Variants in ARB2A observed in about 807,000 individuals in gnomAD.
ARB2A encodes the protein cotranscriptional regulator ARB2A.
the ARB2A span, among the ~76,000 whole-genome samples, chr5:93,636,995 C>A: frequency 6.6e-6 from 1 of 152,158 alleles, no homozygotes; most frequent in African/African-American, 2.4e-5. Flanking sequence ...GTGATACTGA[C>A]AATGTCATTT....
the ARB2A span, among the ~76,000 whole-genome samples, chr5:93,986,017 G>A: frequency 6.6e-6 from 1 of 150,706 alleles, no homozygotes; most frequent in East Asian, 2.0e-4. Flanking sequence ...GGGATGTGGG[G>A]AGCGCCTCTG....
chr5:93,978,119 T>C, the ARB2A span, among the ~76,000 whole-genome samples: 1 of 152,082 alleles, frequency 6.6e-6, no homozygotes, highest in African/African-American at 2.4e-5. Flanking sequence ...AAATAAAAGA[T>C]GTTGGTGAGG....
chr5:94,021,596 T>C, the ARB2A span, among the ~76,000 whole-genome samples: 1 of 151,746 alleles, frequency 6.6e-6, no homozygotes, highest in South Asian at 2.1e-4. Context: ...GACTCAGAGG[T>C]GGGAGTGAAC....
the ARB2A span, among the ~76,000 whole-genome samples, chr5:93,714,330 C>T: frequency 6.6e-6 from 1 of 152,156 alleles, no homozygotes; most frequent in Non-Finnish European, 1.5e-5. Context: ...TATTTATTAA[C>T]AAGGTCAGCT....
the ARB2A span, among the ~76,000 whole-genome samples, chr5:94,101,524 GAT>G: frequency 1.3e-5 from 2 of 152,122 alleles, no homozygotes; most frequent in African/African-American, 4.8e-5. Context: ...CAACAGTAAA[GAT>G]ATGGAATCAA....
chr5:93,740,327 G>A, the ARB2A span: 1 of 481,576 alleles, frequency 2.1e-6, no homozygotes, highest in Non-Finnish European at 3.7e-6. Flanking sequence ...TCTATATACT[G>A]TAATGTACCT....
At chr5:93,798,500 T>C in the ARB2A span, among the ~76,000 whole-genome samples, 1 of 152,142 alleles carries the variant, frequency 6.6e-6, no homozygotes, top group Non-Finnish European at 1.5e-5. Context: ...ATATCTCCTA[T>C]GGCCTTTTAT....
the ARB2A span, chr5:93,620,989 AC>A: frequency 3.9e-5 from 63 of 1,608,496 alleles, no homozygotes; most frequent in Non-Finnish European, 5.1e-5. Flanking sequence ...CGCTCCTCTT[AC>A]AGCTCTTCGT....
At chr5:93,706,183 G>C in the ARB2A span, among the ~76,000 whole-genome samples, 10 of 152,132 alleles carry the variant, frequency 6.6e-5, no homozygotes, top group Non-Finnish European at 1.3e-4. Flanking sequence ...TAAATGTGGT[G>C]TATCTATACA....
chr5:93,987,144 A>G, the ARB2A span, among the ~76,000 whole-genome samples: 120 of 152,316 alleles, frequency 7.9e-4, no homozygotes, highest in African/African-American at 2.8e-3. Context: ...TCGACCCTGT[A>G]AGTTAACCTA....
chr5:93,987,357 C>T, the ARB2A span, among the ~76,000 whole-genome samples: 1 of 152,092 alleles, frequency 6.6e-6, no homozygotes, highest in Non-Finnish European at 1.5e-5. Context: ...ATCAGTTTGG[C>T]TAAACCTAAA....
the ARB2A span, among the ~76,000 whole-genome samples, chr5:93,892,026 C>T: frequency 6.6e-6 from 1 of 152,144 alleles, no homozygotes; most frequent in Non-Finnish European, 1.5e-5. Context: ...CACACTCTCC[C>T]AGCTCTCCTT....
the ARB2A span, among the ~76,000 whole-genome samples, chr5:93,749,972 C>G: frequency 6.6e-6 from 1 of 152,300 alleles, no homozygotes; most frequent in Non-Finnish European, 1.5e-5. Context: ...CATTCTCTCA[C>G]TAGGAGCAGA....
chr5:93,746,261 A>C, the ARB2A span, among the ~76,000 whole-genome samples: 1 of 152,234 alleles, frequency 6.6e-6, no homozygotes, highest in African/African-American at 2.4e-5. Context: ...AGAGCTAATC[A>C]AATCAAGGTA....
At chr5:93,881,859 A>G in the ARB2A span, among the ~76,000 whole-genome samples, 2 of 151,418 alleles carry the variant, frequency 1.3e-5, no homozygotes, top group African/African-American at 4.8e-5. Flanking sequence ...AGTCATTTAA[A>G]ATTGTTTGCC....
the ARB2A span, among the ~76,000 whole-genome samples, chr5:94,105,909 C>T: frequency 6.6e-6 from 1 of 152,040 alleles, no homozygotes; most frequent in African/African-American, 2.4e-5. Context: ...ATAAAGAGTG[C>T]TGGGATAACT....
the ARB2A span, among the ~76,000 whole-genome samples, chr5:94,004,662 C>T: frequency 6.6e-6 from 1 of 151,524 alleles, no homozygotes; most frequent in African/African-American, 2.4e-5. Flanking sequence ...TGGGAGAATA[C>T]ACAATCAATT....
chr5:93,808,525 A>G, the ARB2A span, among the ~76,000 whole-genome samples: 1 of 151,956 alleles, frequency 6.6e-6, no homozygotes, highest in Non-Finnish European at 1.5e-5. Flanking sequence ...AACTCACCCT[A>G]TCACCAAAGA....
the ARB2A span, among the ~76,000 whole-genome samples, chr5:94,027,542 G>A: frequency 1.3e-5 from 2 of 152,154 alleles, no homozygotes; most frequent in African/African-American, 4.8e-5. Flanking sequence ...AAATAAGGAA[G>A]GACTGGGTCT....
Sources: gnomAD v4.1 joint callset for allele counts (sites outside exome capture counted in the v4.1 genomes callset) on GRCh38, gnomAD v4.1.1 for gene constraint, MANE v1.5 for transcripts, NCBI Gene and HGNC (gene_info 2026-07-23, HGNC 2026-07-21) for gene names.